Variants in HNRNPL observed in about 807,000 individuals in gnomAD.
HNRNPL encodes heterogeneous nuclear ribonucleoprotein L.
A neutral mutation model predicts 64.0 loss-of-function variants in HNRNPL; 12 were observed. That is an observed-to-expected ratio of 0.19 (90% CI 0.12 to 0.30). The LOEUF (loss-of-function observed/expected upper bound fraction) is 0.30, where lower values mean the gene tolerates loss of function less well. Ranked by LOEUF, HNRNPL falls within the 10% of genes least tolerant of loss-of-function variation. HNRNPL has a pLI of 1.00. For missense variants in HNRNPL, 484 were observed against 797.4 expected, an observed-to-expected ratio of 0.61 and a Z score of 4.73; for synonymous variants, 385 against 313.0, an observed-to-expected ratio of 1.23 and a Z score of -2.43.
In HNRNPL at chr19:38,843,807, G is replaced by A. The variant is rs116924024; in HGVS notation, c.880+35C>T. 1.8e-4 allele frequency: 283 copies of A among 1,552,172 alleles called. 3 individuals carry two copies. The highest frequency in any genetic ancestry group is 1.0e-3 in the South Asian group (90 of 89,766). ...TGCACTAGTCGAGTGAAAGCAAGGC[G>A]GGTATGTTTAGAACAAAGTGGTCGT... On this transcript the variant is annotated intron_variant, in intron 6 of 12. Coordinates refer to ENST00000221419, the MANE Select transcript of HNRNPL (RefSeq NM_001533.3).
chr19:38,849,579 G>A (rs1331387255), intron 1 of HNRNPL, 121 bp downstream of exon 1: 6 of 1,225,176 alleles, frequency 4.9e-6, no homozygotes, highest in Admixed American at 7.5e-5. Context: ...CCCCCACACC[G>A]TCAACGACGC....
intron 6 of HNRNPL, 43 bp from the exon 7 acceptor site, chr19:38,840,602 G>A (rs958672758): frequency 6.7e-7 from 1 of 1,486,790 alleles, no homozygotes; most frequent in African/African-American, 1.4e-5. Context: ...TCAGAAATTG[G>A]GGTCTCTCCC....
intron 6 of HNRNPL, among the ~76,000 whole-genome samples, chr19:38,842,952 C>T (rs1972164055): frequency 6.6e-6 from 1 of 152,186 alleles, no homozygotes; most frequent in South Asian, 2.1e-4. Flanking sequence ...TTGCCTCTGA[C>T]CTTTGGAGGG....
rs1469871679 is a variant in HNRNPL, at chr19:38,838,576, T to C, written c.1378A>G (p.Met460Val). 4 of 1,614,050 alleles carry C rather than the reference T, an allele frequency of 2.5e-6. No homozygotes were observed. Among genetic ancestry groups the C allele is most frequent in the Non-Finnish European group, 3.4e-6 (4 of 1,179,958 alleles). ...TCCAACCCGTATGACTGACCAGGCA[T>C]GATGGCTGGCTGCTTGGAGACACTG... The part of the protein sequence containing the change: ...NVCVSKQPAI[M>V]PGQSYGLEDG... Residue 460 changes from methionine to valine, a missense_variant, in exon 10 of 13, where the codon ATG (methionine) becomes GTG (valine). Around this residue, in one of 9 missense-constraint regions of HNRNPL, gnomAD observed 53 missense variants for 131.3 expected, o/e 0.40. Transcript: ENST00000221419.
At chr19:38,849,601 C>G (rs1036155396) in intron 1 of HNRNPL, 99 bp downstream of exon 1, 24 of 1,277,434 alleles carry the variant, frequency 1.9e-5, no homozygotes, top group Non-Finnish European at 2.4e-5. Flanking sequence ...ATGGCCTGGG[C>G]GCGTGCGCAG....
intron 4 of HNRNPL, among the ~76,000 whole-genome samples, chr19:38,844,373 A>G (rs563656524): frequency 2.5e-4 from 38 of 152,194 alleles, no homozygotes; most frequent in Middle Eastern, 6.8e-3. Flanking sequence ...CTTCTGCCAC[A>G]CCACTTTCTC....
chr19:38,850,682 G>A (rs1600075755), upstream of HNRNPL, among the ~76,000 whole-genome samples: 1 of 152,236 alleles, frequency 6.6e-6, no homozygotes, highest in East Asian at 1.9e-4. Flanking sequence ...GCGCCGGAAG[G>A]CTAGACCAAG....
In HNRNPL at chr19:38,840,314, G is replaced by T; in HGVS notation, c.1015C>A (p.His339Asn). 6.4e-7 allele frequency: 1 copy of T among 1,551,064 alleles called. No homozygotes were observed. Among genetic ancestry groups the T allele is most frequent in the Non-Finnish European group, 8.7e-7 (1 of 1,143,530 alleles). Residue 339 changes from histidine to asparagine, a missense_variant, in exon 8 of 13, where the codon CAC becomes AAC. His to Asn is a moderately conservative substitution (Grantham distance 68). Around this residue, in one of 9 missense-constraint regions of HNRNPL, gnomAD observed 46 missense variants for 37.4 expected, o/e 1.23. Transcript: ENST00000221419. Reference sequence around the variant, plus strand: ...GGACCCATCCTTCTCCCTTCGTAGTGAGGTGGGGGGGGCCCGTAGCCCTCA... The same window carrying T: ...GGACCCATCCTTCTCCCTTCGTAGTTAGGTGGGGGGGGCCCGTAGCCCTCA... ...HDEGYGPPPP[H>N]YEGRRMGPPV... is the part of the protein sequence containing the mutation.
chr19:38,838,783 C>G (rs1972014013), intron 9 of HNRNPL, 111 bp downstream of exon 9: 1 of 1,461,322 alleles, frequency 6.8e-7, no homozygotes, highest in Admixed American at 1.7e-5. Context: ...TGCCACATCC[C>G]ATTTCTGTGT....
Position 38,836,712 on chromosome 19 carries a change from A to C in HNRNPL, c.*10T>G, listed in dbSNP as rs757756862. ...TTCCTGCTCAGATGGGACTCTTCCT[A>C]GGCACCTAATTAGGAGGCGTGCTGA... On this transcript the variant is annotated 3_prime_UTR_variant, in exon 13 of 13. Coordinates refer to ENST00000221419, the MANE Select transcript of HNRNPL (RefSeq NM_001533.3). 1 of 1,597,542 alleles carries C rather than the reference A, an allele frequency of 6.3e-7. No homozygotes were observed. Among genetic ancestry groups the C allele is most frequent in the East Asian group, 2.2e-5 (1 of 44,556 alleles).
upstream of HNRNPL, chr19:38,851,133 C>G (rs947158942): frequency 6.6e-6 from 1 of 152,548 alleles, no homozygotes; most frequent in Admixed American, 6.5e-5. Context: ...GGGTGGCCAC[C>G]TACCAAGCGC....
intron 4 of HNRNPL, chr19:38,845,355 G>A (rs1299309259): frequency 2.9e-6 from 1 of 341,098 alleles, no homozygotes; most frequent in Non-Finnish European, 5.5e-6. Context: ...CAGGCAACAA[G>A]GGCTAAACTC....
intron 1 of HNRNPL, 56 bp downstream of exon 1, chr19:38,849,644 C>G: frequency 2.3e-6 from 3 of 1,304,134 alleles, no homozygotes; most frequent in Non-Finnish European, 2.9e-6. Flanking sequence ...TGCCCTCAAG[C>G]TGGGAAATTG....
chr19:38,840,330 G>A lies in HNRNPL; in HGVS notation c.999C>T (p.Tyr333=), dbSNP rs374845218. The part of the protein sequence containing the change: ...GYHSHYHDEG[Y]GPPPPHYEGR... ...CTTCGTAGTGAGGTGGGGGGGGCCC[G>A]TAGCCCTCATCATGGTAATGGCTGT... The change falls in exon 8 of 13, where the codon TAC becomes TAT. Residue 333 remains tyrosine, a synonymous_variant. Transcript: ENST00000221419. The A allele has an allele frequency of 7.8e-5, 120 of 1,544,062 alleles. No individual in the cohort carries two copies. The highest frequency in any genetic ancestry group is 9.3e-5 in the Admixed American group (5 of 53,486).
intron 8 of HNRNPL, chr19:38,839,789 A>C (rs1600050669): frequency 3.4e-6 from 1 of 291,264 alleles, no homozygotes; most frequent in East Asian, 9.4e-5. Flanking sequence ...GGAAATCCTT[A>C]AACGATGGTG....
chr19:38,851,468 C>T (rs1166715004), upstream of HNRNPL, among the ~76,000 whole-genome samples: 2 of 152,148 alleles, frequency 1.3e-5, no homozygotes, highest in Non-Finnish European at 1.5e-5. Context: ...TGGCAAGTGA[C>T]GATATCGCCA....
At position 38,849,889 on chromosome 19, in the gene HNRNPL, C is replaced by A. The variant is rs540766998; in HGVS notation, c.78G>T (p.Arg26=). 16 of 1,251,502 alleles carry A rather than the reference C, an allele frequency of 1.3e-5. No homozygotes were observed. Among genetic ancestry groups the A allele is most frequent in the Non-Finnish European group, 1.2e-5 (11 of 889,876 alleles). 77.5% of individuals were successfully genotyped at this position (1,251,502 alleles called of 1,614,324 possible). A position where few individuals can be genotyped will look rare whatever the true frequency, so the allele number is the denominator to read the frequency against. ...LEQRQQPDEQ[R]RRSGAMVKMA... is the part of the protein sequence containing the mutation. The stretch of plus-strand genomic sequence containing the variant: ...TCTTCACCATCGCTCCCGACCGCCT[C>A]CGCTGCTCGTCCGGCTGCTGCCTCT... Residue 26 remains arginine, a synonymous_variant, in exon 1 of 13, where the codon CGG becomes CGT. Coordinates refer to ENST00000221419, the MANE Select transcript of HNRNPL (RefSeq NM_001533.3).
intron 10 of HNRNPL, 51 bp downstream of exon 10, chr19:38,838,346 C>CAA (rs778816349): frequency 1.3e-5 from 20 of 1,481,744 alleles, no homozygotes; most frequent in Non-Finnish European, 1.8e-5. Context: ...ATGGCCTACT[C>CAA]AGACGGCCGT....
Position 38,849,739 on chromosome 19 carries a change from G to A in HNRNPL, c.228C>T (p.Gly76=), listed in dbSNP as rs1338434940. Residue 76 remains glycine, a synonymous_variant, in exon 1 of 13, where the codon GGC becomes GGT. Transcript: ENST00000221419. ...AGDQHGGGGG[G]GGGAGAAGGG... is the part of the protein sequence containing the mutation. ...CGCCCGCCGCCCCGGCTCCTCCACC[G>A]CCACCGCCGCCGCCTCCGTGCTGGT... 3 of 1,380,776 alleles carry A rather than the reference G, an allele frequency of 2.2e-6. No homozygotes were observed. The African/African-American group carries it at 4.6e-5, about 21-fold the overall frequency. 85.5% of individuals were successfully genotyped at this position (1,380,776 alleles called of 1,614,324 possible). A position where few individuals can be genotyped will look rare whatever the true frequency, so the allele number is the denominator to read the frequency against.
Sources: allele counts gnomAD v4.1 joint callset (sites outside exome capture counted in the v4.1 genomes callset), GRCh38; gene constraint gnomAD v4.1.1; regional missense constraint gnomAD v4.1.1; transcripts MANE v1.5; gene names NCBI Gene and HGNC (gene_info 2026-07-23, HGNC 2026-07-21).